The following DRC3 variants were observed in gnomAD, a reference collection of about 807,000 sequenced individuals.
The protein encoded by DRC3 is leucine rich repeat containing 48.
DRC3 carries 45 observed loss-of-function variants against 57.6 expected under a neutral mutation model. The ratio of observed to expected loss-of-function variants is 0.78; its 90% CI spans 0.62 to 1.00. The LOEUF is 1.00. Among genes scored for constraint, DRC3 ranks in the 50% least tolerant of loss-of-function variants. The pLI is 0.00. For synonymous variants in DRC3, 257 were observed against 272.3 expected (o/e 0.94, Z 0.55); for missense variants, 655 against 675.2 (o/e 0.97, Z 0.33).
At chr17:17,975,543 C>T (rs1439279193) in intron 2 of DRC3, among the ~76,000 whole-genome samples, 1 of 142,248 alleles carries the variant, frequency 7.0e-6, no homozygotes, top group Admixed American at 7.6e-5. Context: ...AGGCCAAACA[C>T]TTTGCAGAAA....
chr17:17,999,417 C>T (rs1001672305), intron 9 of DRC3, among the ~76,000 whole-genome samples: 1 of 152,136 alleles, frequency 6.6e-6, no homozygotes, highest in Non-Finnish European at 1.5e-5. Flanking sequence ...TGGGTGCTTT[C>T]CATGCACAGC....
intron 2 of DRC3, among the ~76,000 whole-genome samples, chr17:17,974,911 G>T (rs756356479): frequency 6.6e-5 from 10 of 152,208 alleles, no homozygotes; most frequent in African/African-American, 2.4e-4. Flanking sequence ...GACTAAATAC[G>T]TGATCTCACA....
At position 18,016,345 on chromosome 17, in the gene DRC3, A is replaced by G. The variant is rs2044362775; in HGVS notation, c.1458+150A>G. The G allele has an allele frequency of 4.2e-6, 4 of 959,774 alleles. No homozygotes were observed. In the African/African-American group the frequency reaches 4.9e-5, roughly 12 times the overall value. The allele number at this position is 959,774 out of a possible 1,614,324, so 59.5% of individuals were successfully genotyped here. A position where few individuals can be genotyped will look rare whatever the true frequency, so the allele number is the denominator to read the frequency against. ...ATTATAGAATTCCACACTGAAGACA[A>G]CATTGCCCAGAGACTTTAAAACCCA... is the stretch of plus-strand genomic sequence containing the variant. On this transcript the variant is annotated intron_variant, in intron 13 of 13. Coordinates refer to ENST00000399187, the MANE Select transcript of DRC3 (RefSeq NM_031294.4).
Position 18,006,241 on chromosome 17 carries a change from A to G in DRC3, c.1190A>G (p.Asn397Ser). 6.2e-7 allele frequency: 1 copy of G among 1,611,032 alleles called. No homozygotes were observed. ...GACATGGTAGGACTGTTTATCGAAA[A>G]TGTCCAAAGCCTATATCCTTTCTGT... is the stretch of plus-strand genomic sequence containing the variant. ...IVDMVGLFIE[N>S]VQSLMAQCRD... is the part of the protein sequence containing the mutation. Residue 397 changes from asparagine (N) to serine (S), a missense_variant, in exon 11 of 14, where the codon AAT becomes AGT. Asn to Ser is a conservative substitution (Grantham distance 46). Transcript: ENST00000399187.
intron 3 of DRC3, among the ~76,000 whole-genome samples, chr17:17,980,622 G>A (rs1256065524): frequency 7.3e-6 from 1 of 136,294 alleles, no homozygotes; most frequent in African/African-American, 2.8e-5. Flanking sequence ...TTGAGATGGA[G>A]TCTCACTCTG....
intron 5 of DRC3, 131 bp from the exon 6 acceptor site, chr17:17,992,634 G>A (rs1025686542): frequency 2.0e-6 from 2 of 978,594 alleles, no homozygotes; most frequent in Non-Finnish European, 3.0e-6. Context: ...CACACTGCCT[G>A]TCACCCCACC....
At chr17:18,002,072 G>A (rs2043758001) in intron 9 of DRC3, among the ~76,000 whole-genome samples, 1 of 152,074 alleles carries the variant, frequency 6.6e-6, no homozygotes, top group African/African-American at 2.4e-5. Flanking sequence ...GGAAGCTGAG[G>A]CGAGAGAATC....
intron 5 of DRC3, chr17:17,989,369 G>C (rs958986450): frequency 7.9e-5 from 12 of 152,472 alleles, no homozygotes; most frequent in Admixed American, 7.9e-4. Flanking sequence ...AGCCGAGGAG[G>C]CTTCTGTCTG....
At chr17:17,987,863 G>A (rs1461217081) in intron 4 of DRC3, 69 bp from the exon 5 acceptor site, 5 of 1,534,616 alleles carry the variant, frequency 3.3e-6, no homozygotes, top group Non-Finnish European at 3.6e-6. Context: ...TAGCCCTGAT[G>A]GTTTTATTTC....
intron 11 of DRC3, 90 bp from the exon 12 acceptor site, chr17:18,006,934 G>T: frequency 6.4e-7 from 1 of 1,565,380 alleles, no homozygotes; most frequent in Non-Finnish European, 8.7e-7. Context: ...GCTCGCCTTG[G>T]GCCCTTAAAG....
chr17:17,996,705 T>C (rs1328792122), intron 8 of DRC3, among the ~76,000 whole-genome samples: 3 of 152,168 alleles, frequency 2.0e-5, no homozygotes, highest in Admixed American at 6.5e-5. Context: ...AGAGCAGGGC[T>C]CCAGAGCTGG....
Position 17,997,675 on chromosome 17 carries a change from G to C in DRC3, c.999+41G>C, listed in dbSNP as rs1212220532. 3 of 1,529,262 alleles carry C rather than the reference G, an allele frequency of 2.0e-6. No homozygotes were observed. The Admixed American group carries it at 6.5e-5, about 33-fold the overall frequency. 94.7% of individuals were successfully genotyped at this position (1,529,262 alleles called of 1,614,324 possible). Reference sequence around the variant, plus strand: ...CCTGAGGCCCTCCCTGTCTCCTGCTGTAGGCCCTCCCTGCTCTTGCCACTC... The same window carrying C: ...CCTGAGGCCCTCCCTGTCTCCTGCTCTAGGCCCTCCCTGCTCTTGCCACTC... On this transcript the variant is annotated intron_variant, in intron 9 of 13. Coordinates refer to ENST00000399187, the MANE Select transcript of DRC3 (RefSeq NM_031294.4).
chr17:17,985,644 G>T (rs1213730393), intron 4 of DRC3, among the ~76,000 whole-genome samples: 1 of 152,188 alleles, frequency 6.6e-6, no homozygotes, highest in Non-Finnish European at 1.5e-5. Flanking sequence ...TTTGCTTCCA[G>T]GGATGCCACG....
chr17:17,997,313 C>G, intron 8 of DRC3, 147 bp from the exon 9 acceptor site: 1 of 694,046 alleles, frequency 1.4e-6, no homozygotes, highest in Non-Finnish European at 2.3e-6. Flanking sequence ...CTTCATCCAC[C>G]AAATGAACCA....
rs115868810 is a variant in DRC3, at chr17:18,008,007, A to G, written c.1326+860A>G. 2.5e-3 allele frequency: 572 copies of G among 228,130 alleles called. No homozygotes were observed. Among genetic ancestry groups the G allele is most frequent in the African/African-American group, 0.013 (556 of 42,844 alleles). The allele number at this position is 228,130 out of a possible 1,614,324, so 14.1% of individuals were successfully genotyped here. A position where few individuals can be genotyped will look rare whatever the true frequency, so the allele number is the denominator to read the frequency against. On this transcript the variant is annotated intron_variant, in intron 12 of 13. Transcript: ENST00000399187. This position sits in a 1 kb window ranked among gnomAD's most constrained non-coding sequence, Gnocchi z 4.3. ...TGCACACTTTTACACAACACCTTCT[A>G]GTGGCTTTCATGACCCCTAGCGTCA... is the stretch of plus-strand genomic sequence containing the variant.
At chr17:18,014,318 G>T (rs1221389762) in intron 12 of DRC3, among the ~76,000 whole-genome samples, 4 of 152,186 alleles carry the variant, frequency 2.6e-5, no homozygotes, top group African/African-American at 9.7e-5. Flanking sequence ...GCTCAAAAAA[G>T]ACTCAGGAAT....
At chr17:17,989,855 T>G (rs2043143468) in intron 5 of DRC3, among the ~76,000 whole-genome samples, 1 of 152,150 alleles carries the variant, frequency 6.6e-6, no homozygotes, top group South Asian at 2.1e-4. Flanking sequence ...AAGTGAGTAA[T>G]GAGATAGGAC....
chr17:18,007,046 G>A lies in DRC3; in HGVS notation c.1225G>A (p.Glu409Lys). 2 of 1,613,276 alleles carry A rather than the reference G, an allele frequency of 1.2e-6. No homozygotes were observed. Among genetic ancestry groups the A allele is most frequent in the East Asian group, 2.2e-5 (1 of 44,846 alleles). The part of the protein sequence containing the change: ...QSLMAQCRDL[E>K]NHHHEKLLEI... Reference sequence around the variant, plus strand: ...CACGATGGCTCAGTGCCGGGACCTGGAGAATCACCACCACGAGAAGCTCCT... The same window carrying A: ...CACGATGGCTCAGTGCCGGGACCTGAAGAATCACCACCACGAGAAGCTCCT... The change falls in exon 12 of 14, where the codon GAG becomes AAG. Residue 409 changes from glutamate (E) to lysine (K), a missense_variant. Physicochemically the swap from Glu to Lys is moderately conservative, Grantham distance 56. Transcript: ENST00000399187.
At chr17:17,977,791 G>A in intron 3 of DRC3, 33 bp downstream of exon 3, 1 of 1,538,080 alleles carries the variant, frequency 6.5e-7, no homozygotes, top group Non-Finnish European at 8.8e-7. Flanking sequence ...TGGTGGCCAG[G>A]GTGGGCCCTC....
Sources: gnomAD v4.1 joint callset for allele counts (sites outside exome capture counted in the v4.1 genomes callset) on GRCh38, gnomAD v4.1.1 for gene constraint, Gnocchi (gnomAD v3.1) non-coding constraint, MANE v1.5 for transcripts, NCBI Gene and HGNC (gene_info 2026-07-23, HGNC 2026-07-21) for gene names.